GAB2: variants seen among roughly 807,000 people sequenced by gnomAD.
The protein encoded by GAB2 is GRB2-associated-binding protein 2.
In GAB2, 26 loss-of-function variants were observed where a neutral mutation model predicts 65.5. The ratio of observed to expected loss-of-function variants is 0.40; its 90% CI spans 0.29 to 0.55. GAB2 has a LOEUF of 0.55. GAB2 is among the 20% of genes least tolerant of loss of function. The pLI is 0.53. For synonymous variants in GAB2, 321 were observed against 329.6 expected (o/e 0.97, Z 0.28); for missense variants, 884 against 875.8 (o/e 1.01, Z -0.12).
At chr11:78,352,411 G>C (rs1856292979) in intron 1 of GAB2, among the ~76,000 whole-genome samples, 2 of 152,204 alleles carry the variant, frequency 1.3e-5, no homozygotes, top group African/African-American at 4.8e-5. Flanking sequence ...GAGCTCAGCA[G>C]GGCTTCACAG....
At chr11:78,385,967 G>A (rs1856760494) in intron 1 of GAB2, among the ~76,000 whole-genome samples, 1 of 152,142 alleles carries the variant, frequency 6.6e-6, no homozygotes, top group African/African-American at 2.4e-5. Flanking sequence ...GTAGCTATGA[G>A]ATATCTTTAC....
intron 1 of GAB2, among the ~76,000 whole-genome samples, chr11:78,327,883 T>C (rs892703567): frequency 5.3e-5 from 8 of 152,208 alleles, no homozygotes; most frequent in Non-Finnish European, 8.8e-5. Flanking sequence ...TAGATTGAAT[T>C]GAAGAAGTGG....
chr11:78,225,840 T>C lies in GAB2; in HGVS notation c.1207+625A>G, dbSNP rs531269882. Among the ~76,000 whole-genome samples the C allele has an allele frequency of 2.6e-3, 395 of 152,280 alleles. 7 individuals carry two copies. Among genetic ancestry groups the C allele is most frequent in the Middle Eastern group, 0.02 (6 of 294 alleles). ...TCTCTGCCTGGCTTAAACAACAGGA[T>C]GGACAAGAAAAGGCTTTGCAAACCA... On this transcript the variant is annotated intron_variant, in intron 4 of 9. Coordinates refer to ENST00000361507, the MANE Select transcript of GAB2 (RefSeq NM_080491.3).
chr11:78,357,270 A>G (rs996190193), intron 1 of GAB2, among the ~76,000 whole-genome samples: 14 of 152,202 alleles, frequency 9.2e-5, no homozygotes, highest in African/African-American at 3.1e-4. Context: ...ACTAGTGACA[A>G]TTGTGATGAC....
At chr11:78,243,196 G>A (rs1162072779) in intron 3 of GAB2, among the ~76,000 whole-genome samples, 1 of 151,984 alleles carries the variant, frequency 6.6e-6, no homozygotes, top group Non-Finnish European at 1.5e-5. Flanking sequence ...GGCTGGGCAT[G>A]GTGGCTCATG....
chr11:78,288,627 C>T (rs904693801), intron 1 of GAB2, among the ~76,000 whole-genome samples: 8 of 151,904 alleles, frequency 5.3e-5, no homozygotes, highest in Non-Finnish European at 7.4e-5. Flanking sequence ...CTAAAAAAAT[C>T]GCTGTGCAGG....
chr11:78,318,222 G>A (rs1180599172), intron 1 of GAB2: 1 of 151,754 alleles, frequency 6.6e-6, no homozygotes. Flanking sequence ...GAGTGAATCT[G>A]GTGGAACAGA....
chr11:78,322,533 G>C (rs963880221), intron 1 of GAB2, among the ~76,000 whole-genome samples: 1 of 151,736 alleles, frequency 6.6e-6, no homozygotes, highest in Non-Finnish European at 1.5e-5. Context: ...TACAGAATGA[G>C]AGAAAATATT....
intron 2 of GAB2, among the ~76,000 whole-genome samples, chr11:78,254,512 T>C (rs1259326232): frequency 2.0e-5 from 3 of 152,108 alleles, no homozygotes; most frequent in African/African-American, 4.8e-5. Context: ...TAATGATCTA[T>C]AGCTTAGCTG....
intron 1 of GAB2, among the ~76,000 whole-genome samples, chr11:78,346,297 C>T (rs1274177372): frequency 1.3e-5 from 2 of 151,976 alleles, no homozygotes; most frequent in African/African-American, 2.4e-5. Flanking sequence ...CTTCCAACAC[C>T]CCCTTATTCA....
chr11:78,392,227 G>C (rs1856842814), intron 1 of GAB2: 4 of 150,010 alleles, frequency 2.7e-5, no homozygotes, highest in Admixed American at 2.7e-4. Context: ...GACAGAGCAA[G>C]ACTCCTTCTC....
chr11:78,362,090 A>T (rs1367938567), intron 1 of GAB2, among the ~76,000 whole-genome samples: 1 of 152,120 alleles, frequency 6.6e-6, no homozygotes, highest in Non-Finnish European at 1.5e-5. Context: ...GTAAAAAAAA[A>T]AAAAGCAAGT....
At chr11:78,335,702 G>T (rs1591047388) in intron 1 of GAB2, among the ~76,000 whole-genome samples, 1 of 152,130 alleles carries the variant, frequency 6.6e-6, no homozygotes, top group Middle Eastern at 3.4e-3. Flanking sequence ...CTTTTTGCTT[G>T]GGATAGCTTT....
intron 1 of GAB2, among the ~76,000 whole-genome samples, chr11:78,329,103 T>C (rs1278361043): frequency 3.3e-5 from 5 of 152,220 alleles, no homozygotes; most frequent in African/African-American, 1.2e-4. Flanking sequence ...GCAAGCATAG[T>C]AAAATATTAA....
chr11:78,323,365 C>T (rs1486384644), intron 1 of GAB2, among the ~76,000 whole-genome samples: 1 of 152,024 alleles, frequency 6.6e-6, no homozygotes, highest in Non-Finnish European at 1.5e-5. Context: ...AAAAAGTTAC[C>T]TGGGCATGGT....
intron 1 of GAB2, among the ~76,000 whole-genome samples, chr11:78,387,899 C>G (rs1005967026): frequency 1.3e-5 from 2 of 152,100 alleles, no homozygotes; most frequent in African/African-American, 4.8e-5. Flanking sequence ...TGCAATTTTC[C>G]TAAATACCCT....
At chr11:78,361,783 G>C (rs1481267310) in intron 1 of GAB2, among the ~76,000 whole-genome samples, 1 of 152,142 alleles carries the variant, frequency 6.6e-6, no homozygotes, top group Non-Finnish European at 1.5e-5. Context: ...CAAACCCTCT[G>C]GAGAGCAATG....
intron 1 of GAB2, among the ~76,000 whole-genome samples, chr11:78,384,849 C>T (rs1057306370): frequency 5.3e-5 from 8 of 152,140 alleles, no homozygotes; most frequent in Non-Finnish European, 7.4e-5. Flanking sequence ...TTTCTGAGCA[C>T]AAAAGCACCA....
intron 1 of GAB2, among the ~76,000 whole-genome samples, chr11:78,315,840 A>G (rs1413761899): frequency 6.6e-6 from 1 of 152,180 alleles, no homozygotes; most frequent in Non-Finnish European, 1.5e-5. Flanking sequence ...TGGCTGGCGA[A>G]GTACTGTTTC....
Sources: allele counts gnomAD v4.1 joint callset (sites outside exome capture counted in the v4.1 genomes callset), GRCh38; gene constraint gnomAD v4.1.1; transcripts MANE v1.5; gene names NCBI Gene and HGNC (gene_info 2026-07-23, HGNC 2026-07-21).